NFIA: variants seen among roughly 807,000 people sequenced by gnomAD.
NFIA encodes the protein nuclear factor 1 A-type.
Under a neutral mutation model 62.8 loss-of-function variants are expected in NFIA, and 8 were observed. The ratio of observed to expected loss-of-function variants is 0.13; its 90% CI spans 0.07 to 0.23. The LOEUF is 0.23. Ranked by LOEUF, NFIA falls within the 10% of genes least tolerant of loss-of-function variation. The pLI is 1.00. For missense variants in NFIA, 410 were observed against 642.1 expected (o/e 0.64, Z 3.91); for synonymous variants, 235 against 238.1 (o/e 0.99, Z 0.12).
chr1:61,349,827 A>T (rs933755489), intron 4 of NFIA, among the ~76,000 whole-genome samples: 1 of 152,024 alleles, frequency 6.6e-6, no homozygotes, highest in African/African-American at 2.4e-5. Flanking sequence ...TTTTGGTCTC[A>T]AGCAATCCTC....
intron 2 of NFIA, among the ~76,000 whole-genome samples, chr1:61,224,560 C>T (rs999753403): frequency 1.3e-5 from 2 of 152,122 alleles, no homozygotes; most frequent in Non-Finnish European, 2.9e-5. Flanking sequence ...TATTCTGATT[C>T]AGTCCTGTTG....
chr1:61,330,382 T>G (rs1661229675), intron 3 of NFIA, among the ~76,000 whole-genome samples: 1 of 151,678 alleles, frequency 6.6e-6, no homozygotes, highest in African/African-American at 2.4e-5. Flanking sequence ...TATCACAGTC[T>G]AGACTGCTAG....
At chr1:61,086,932 T>G (rs1472928029) in intron 1 of NFIA, among the ~76,000 whole-genome samples, 1 of 152,180 alleles carries the variant, frequency 6.6e-6, no homozygotes. Context: ...TTTCTTTGGT[T>G]TCTAATCCTC....
chr1:61,252,553 G>T (rs748943695), intron 2 of NFIA, among the ~76,000 whole-genome samples: 72 of 152,208 alleles, frequency 4.7e-4, no homozygotes, highest in Non-Finnish European at 5.7e-4. Flanking sequence ...AGAGAAGGTT[G>T]TAAAAATAAG....
At chr1:61,217,863 G>T (rs903815583) in intron 2 of NFIA, among the ~76,000 whole-genome samples, 2 of 152,222 alleles carry the variant, frequency 1.3e-5, no homozygotes, top group South Asian at 4.1e-4. Flanking sequence ...TGGGCAGGCT[G>T]CTTATTATCC....
intron 2 of NFIA, among the ~76,000 whole-genome samples, chr1:61,180,211 G>T (rs532841669): frequency 1.3e-5 from 2 of 151,848 alleles, no homozygotes; most frequent in African/African-American, 4.8e-5. Flanking sequence ...CTTGAACTCC[G>T]TCACTCAAGA....
chr1:61,455,510 G>T lies in NFIA; in HGVS notation c.*190G>T. The T allele has an allele frequency of 6.2e-6, 5 of 810,390 alleles. No individual in the cohort carries two copies. The highest frequency in any genetic ancestry group is 2.1e-5 in the African/African-American group (1 of 48,504). 50.2% of individuals were successfully genotyped at this position (810,390 alleles called of 1,614,324 possible). On this transcript the variant is annotated 3_prime_UTR_variant, in exon 11 of 11. Coordinates refer to ENST00000403491, the MANE Select transcript of NFIA (RefSeq NM_001134673.4). ...CAAACAGCAAAGGCCATAACCTTTT[G>T]GGATTTTTTTTTTTTTAAAATACTT... is the stretch of plus-strand genomic sequence containing the variant.
intron 3 of NFIA, among the ~76,000 whole-genome samples, chr1:61,302,648 T>C (rs2100332440): frequency 6.6e-6 from 1 of 152,334 alleles, no homozygotes. Context: ...TTGTGACCTA[T>C]CTTGTAATCA....
chr1:61,354,902 G>A (rs1315137020), intron 5 of NFIA, among the ~76,000 whole-genome samples: 1 of 152,012 alleles, frequency 6.6e-6, no homozygotes, highest in Non-Finnish European at 1.5e-5. Context: ...AAGAAACAAG[G>A]ACACCGTCCT....
intron 1 of NFIA, among the ~76,000 whole-genome samples, chr1:61,085,451 C>G (rs1320386273): frequency 1.3e-5 from 2 of 152,092 alleles, no homozygotes; most frequent in African/African-American, 4.8e-5. Context: ...TATTGGTGGC[C>G]TATAACTTTC....
chr1:61,135,909 T>C (rs1486140459), intron 2 of NFIA, among the ~76,000 whole-genome samples: 2 of 152,174 alleles, frequency 1.3e-5, no homozygotes, highest in African/African-American at 4.8e-5. Flanking sequence ...AAAGAATATA[T>C]GTAGTCTCCC....
chr1:61,284,882 C>CT (rs1371635826), intron 3 of NFIA, among the ~76,000 whole-genome samples: 1 of 151,908 alleles, frequency 6.6e-6, no homozygotes, highest in African/African-American at 2.4e-5. Flanking sequence ...GTTTGTGCCT[C>CT]TGACTCTTAT....
At position 61,084,976 on chromosome 1, in the gene NFIA, G is replaced by A. The variant is rs111567176; in HGVS notation, c.27+2158G>A. On this transcript the variant is annotated intron_variant, in intron 1 of 10. Coordinates refer to ENST00000403491, the MANE Select transcript of NFIA (RefSeq NM_001134673.4). Reference sequence around the variant, plus strand: ...TAGTGTAACAGTTTGTAAAGAAAATGTACAATAAATAGTGAATGAGGGCTC... The same window carrying A: ...TAGTGTAACAGTTTGTAAAGAAAATATACAATAAATAGTGAATGAGGGCTC... Among the ~76,000 whole-genome samples the A allele has an allele frequency of 1.4e-3, 205 of 151,660 alleles. 1 individual carries two copies. The highest frequency in any genetic ancestry group is 4.4e-3 in the African/African-American group (184 of 41,372).
intron 6 of NFIA, among the ~76,000 whole-genome samples, chr1:61,362,473 C>G (rs1351095792): frequency 6.6e-6 from 1 of 152,154 alleles, no homozygotes; most frequent in Non-Finnish European, 1.5e-5. Context: ...CCTTAAAATG[C>G]TTTTCCAGGA....
intron 9 of NFIA, among the ~76,000 whole-genome samples, chr1:61,407,119 G>A (rs1387133628): frequency 6.6e-6 from 1 of 152,202 alleles, no homozygotes; most frequent in Non-Finnish European, 1.5e-5. Context: ...TGCAGTCTAA[G>A]AGAAATGCAC....
chr1:61,189,533 C>T (rs180834212), intron 2 of NFIA, among the ~76,000 whole-genome samples: 39 of 152,020 alleles, frequency 2.6e-4, no homozygotes, highest in African/African-American at 8.4e-4. Context: ...GGCATGGTGG[C>T]GCGCAGCTGT....
At chr1:61,424,403 T>C (rs1666773572) in intron 9 of NFIA, among the ~76,000 whole-genome samples, 1 of 151,518 alleles carries the variant, frequency 6.6e-6, no homozygotes, top group Admixed American at 6.6e-5. Context: ...TTGTTTTGGA[T>C]GTCCCCAGTA....
At chr1:61,362,446 T>C (rs1391491718) in intron 6 of NFIA, among the ~76,000 whole-genome samples, 1 of 152,196 alleles carries the variant, frequency 6.6e-6, no homozygotes, top group African/African-American at 2.4e-5. Context: ...CAGAATGCTT[T>C]GGTTTCCGTT....
chr1:61,425,287 CAGAA>C (rs1487862599), intron 9 of NFIA, among the ~76,000 whole-genome samples: 12 of 151,680 alleles, frequency 7.9e-5, no homozygotes, highest in Admixed American at 3.9e-4. Context: ...TTCTGTAAAA[CAGAA>C]AGCCAGAGTA....
Sources: allele counts gnomAD v4.1 joint callset (sites outside exome capture counted in the v4.1 genomes callset), GRCh38; gene constraint gnomAD v4.1.1; transcripts MANE v1.5; gene names NCBI Gene and HGNC (gene_info 2026-07-23, HGNC 2026-07-21).